BCAT1: variants seen among roughly 807,000 people sequenced by gnomAD.
BCAT1 encodes branched chain amino acid transaminase 1, also known as branched-chain-amino-acid aminotransferase, cytosolic.
A neutral mutation model predicts 52.4 loss-of-function variants in BCAT1; 48 were observed. The ratio of observed to expected loss-of-function variants is 0.92; its 90% confidence interval spans 0.73 to 1.16. The LOEUF is 1.16. Ranked by LOEUF, BCAT1 falls within the 50% of genes most tolerant of loss-of-function variation. The probability of loss-of-function intolerance (pLI) is 0.00; values close to 1 mark genes in which losing one functional copy is unlikely to be tolerated. For missense variants in BCAT1, 451 were observed against 457.1 expected, an observed-to-expected ratio of 0.99 and a Z score of 0.12; for synonymous variants, 167 against 161.3, an observed-to-expected ratio of 1.04 and a Z score of -0.27.
chr12:24,846,766 A>G (rs1941356479), intron 6 of BCAT1, among the ~76,000 whole-genome samples: 2 of 152,230 alleles, frequency 1.3e-5, no homozygotes, highest in African/African-American at 4.8e-5. Context: ...GGATGCCCAA[A>G]GAGAAATACT....
intron 5 of BCAT1, among the ~76,000 whole-genome samples, chr12:24,861,543 T>C (rs888641826): frequency 6.6e-6 from 1 of 152,236 alleles, no homozygotes; most frequent in African/African-American, 2.4e-5. Context: ...GCTTTCTCAC[T>C]GAGCTCCTCT....
At chr12:24,821,428 T>C (rs555847058) in intron 10 of BCAT1, among the ~76,000 whole-genome samples, 1 of 152,210 alleles carries the variant, frequency 6.6e-6, no homozygotes, top group Non-Finnish European at 1.5e-5. Context: ...CTCCCCCTGA[T>C]ACTTAAAAGC....
At chr12:24,834,331 G>A (rs1005936886) in intron 8 of BCAT1, 1 of 984,830 alleles carries the variant, frequency 1.0e-6, no homozygotes, top group African/African-American at 1.7e-5. Flanking sequence ...TTTCATCATG[G>A]AATTAGTGGT....
chr12:24,929,008 G>A (rs550829870), intron 1 of BCAT1, among the ~76,000 whole-genome samples: 6 of 151,952 alleles, frequency 3.9e-5, no homozygotes, highest in African/African-American at 7.2e-5. Flanking sequence ...TGATCTGCCC[G>A]CCTCGGCCTC....
intron 10 of BCAT1, among the ~76,000 whole-genome samples, chr12:24,822,017 A>G (rs2139323206): frequency 6.6e-6 from 1 of 152,336 alleles, no homozygotes; most frequent in South Asian, 2.1e-4. Flanking sequence ...GAGGACCCCA[A>G]GTGGCAGAGG....
intron 5 of BCAT1, among the ~76,000 whole-genome samples, chr12:24,869,345 C>T (rs1016346763): frequency 6.6e-6 from 1 of 152,152 alleles, no homozygotes; most frequent in Non-Finnish European, 1.5e-5. Context: ...AGGAGCCTGG[C>T]CCCTCCTCTT....
intron 5 of BCAT1, among the ~76,000 whole-genome samples, chr12:24,865,444 G>A (rs1391738702): frequency 6.6e-6 from 1 of 152,096 alleles, no homozygotes; most frequent in Non-Finnish European, 1.5e-5. Context: ...CATGCAACAG[G>A]GGATATAACT....
chr12:24,829,921 T>C, intron 9 of BCAT1, 24 bp from the exon 10 acceptor site: 2 of 1,553,398 alleles, frequency 1.3e-6, no homozygotes, highest in Non-Finnish European at 1.8e-6. Flanking sequence ...GGAAATGAGA[T>C]AATTTGAGGG....
chr12:24,868,230 C>G (rs1942080956), intron 5 of BCAT1, among the ~76,000 whole-genome samples: 1 of 152,078 alleles, frequency 6.6e-6, no homozygotes, highest in Non-Finnish European at 1.5e-5. Flanking sequence ...GATTCTCCAT[C>G]TCAGTGTATA....
chr12:24,852,830 C>T (rs1274204316), intron 5 of BCAT1, among the ~76,000 whole-genome samples: 1 of 152,168 alleles, frequency 6.6e-6, no homozygotes, highest in Non-Finnish European at 1.5e-5. Context: ...TTTACAAGTA[C>T]TTCAAGTACT....
At chr12:24,830,825 C>A (rs1012858559) in intron 9 of BCAT1, 1 of 152,138 alleles carries the variant, frequency 6.6e-6, no homozygotes, top group African/African-American at 2.4e-5. Context: ...ATTCTTCTCC[C>A]ATGAAACAGT....
At chr12:24,822,263 G>C (rs1184712687) in intron 10 of BCAT1, among the ~76,000 whole-genome samples, 2 of 152,194 alleles carry the variant, frequency 1.3e-5, no homozygotes, top group African/African-American at 4.8e-5. Context: ...GAGTTATGTG[G>C]ACAATTAGCT....
intron 1 of BCAT1, among the ~76,000 whole-genome samples, chr12:24,921,582 C>T (rs1221864625): frequency 6.6e-6 from 1 of 152,210 alleles, no homozygotes; most frequent in East Asian, 1.9e-4. Context: ...TCTCAATTTA[C>T]AAGACAGATA....
chr12:24,838,964 T>G (rs956207438), intron 7 of BCAT1, among the ~76,000 whole-genome samples: 1 of 152,210 alleles, frequency 6.6e-6, no homozygotes, highest in East Asian at 1.9e-4. Flanking sequence ...TCTGCATAAG[T>G]GCCCTAAACA....
Position 24,814,057 on chromosome 12 carries a change from G to C in BCAT1, c.*3951C>G, listed in dbSNP as rs934296755. 1 of 152,034 alleles carries C rather than the reference G, an allele frequency of 6.6e-6. No homozygotes were observed. The highest frequency in any genetic ancestry group is 2.4e-5 in the African/African-American group (1 of 41,406). 9.4% of individuals were successfully genotyped at this position (152,034 alleles called of 1,614,324 possible). A position where few individuals can be genotyped will look rare whatever the true frequency, so the allele number is the denominator to read the frequency against. ...CTGGTACCCTTTGCCTCCTTTTGTG[G>C]GGAGATATCTGGAAAATAGCTGAAC... On this transcript the variant is annotated 3_prime_UTR_variant, in exon 11 of 11. Transcript: ENST00000261192.
intron 5 of BCAT1, among the ~76,000 whole-genome samples, chr12:24,859,663 T>C (rs1378823709): frequency 6.6e-6 from 1 of 151,982 alleles, no homozygotes; most frequent in African/African-American, 2.4e-5. Flanking sequence ...GGAAAATCTT[T>C]GTATTATCAT....
chr12:24,937,685 G>A (rs368708055), intron 1 of BCAT1, among the ~76,000 whole-genome samples: 5 of 152,088 alleles, frequency 3.3e-5, no homozygotes, highest in East Asian at 1.9e-4. Context: ...ATGCCCCACC[G>A]GGTTGAGGAG....
At chr12:24,944,543 A>G (rs1415524750) in intron 1 of BCAT1, among the ~76,000 whole-genome samples, 2 of 152,252 alleles carry the variant, frequency 1.3e-5, no homozygotes, top group African/African-American at 2.4e-5. Context: ...TATGGAGTCA[A>G]ATAGAATTTG....
At chr12:24,879,675 G>C (rs993428512) in intron 4 of BCAT1, among the ~76,000 whole-genome samples, 2 of 152,200 alleles carry the variant, frequency 1.3e-5, no homozygotes, top group Non-Finnish European at 2.9e-5. Flanking sequence ...ACAGAATTCA[G>C]TGAGAAGAGA....
Sources: gnomAD v4.1 joint callset for allele counts (sites outside exome capture counted in the v4.1 genomes callset) on GRCh38, gnomAD v4.1.1 for gene constraint, MANE v1.5 for transcripts, NCBI Gene and HGNC (gene_info 2026-07-23, HGNC 2026-07-21) for gene names.